Variants in GOLGA5 observed in about 807,000 individuals in gnomAD.
The protein encoded by GOLGA5 is golgin A5.
GOLGA5 carries 50 observed loss-of-function variants against 93.5 expected under a neutral mutation model. That is an observed-to-expected ratio of 0.53 (90% CI 0.43 to 0.68). The LOEUF (loss-of-function observed/expected upper bound fraction) is 0.68. Among genes scored for constraint, GOLGA5 ranks in the 30% least tolerant of loss-of-function variants. GOLGA5 has a pLI of 0.00. For missense variants in GOLGA5, 760 were observed against 856.4 expected (o/e 0.89, Z 1.40); for synonymous variants, 312 against 304.5 (o/e 1.02, Z -0.26).
chr14:92,805,979 T>TA (rs11420333), intron 2 of GOLGA5, among the ~76,000 whole-genome samples: 62,350 of 136,816 alleles, frequency 0.46, 15,172 homozygotes, highest in African/African-American at 0.64. Context: ...CCAGTTTGAT[T>TA]AAAAAAAAAA....
intron 7 of GOLGA5, among the ~76,000 whole-genome samples, chr14:92,816,896 T>C (rs114666770): frequency 0.063 from 9,632 of 151,958 alleles, 359 homozygotes; most frequent in Middle Eastern, 0.12. Context: ...TTCTTTCCTT[T>C]CTTTCCTTTC....
At chr14:92,837,544 A>G (rs577345836) in intron 12 of GOLGA5, 95 bp downstream of exon 12, 3 of 681,322 alleles carry the variant, frequency 4.4e-6, no homozygotes, top group Admixed American at 4.8e-5. Flanking sequence ...GATCTTATTG[A>G]TATTTTAGCA....
At chr14:92,799,615 A>G (rs546368410) in intron 2 of GOLGA5, among the ~76,000 whole-genome samples, 1 of 131,792 alleles carries the variant, frequency 7.6e-6, no homozygotes, top group Non-Finnish European at 1.6e-5. Flanking sequence ...TTATTTATTT[A>G]TTTTTTTGTG....
chr14:92,816,314 A>G lies in GOLGA5; in HGVS notation c.1384A>G (p.Thr462Ala), dbSNP rs758153492. 6.2e-7 allele frequency: 1 copy of G among 1,613,832 alleles called. No individual in the cohort carries two copies. The change falls in exon 7 of 13, where the codon ACT becomes GCT. Residue 462 changes from threonine (T) to alanine (A), a missense_variant. Thr to Ala is a moderately conservative substitution (Grantham distance 58). Transcript: ENST00000163416. ...GSGFEGLDSSTASSMELEELR... is the reference protein window; with the variant it reads ...GSGFEGLDSSAASSMELEELR... ...TGGTTTTGAAGGCCTAGATAGCAGCACTGCCAGTAGCATGGAGCTGGAAGA... is the reference window on the plus strand; with the variant it reads ...TGGTTTTGAAGGCCTAGATAGCAGCGCTGCCAGTAGCATGGAGCTGGAAGA...
chr14:92,813,423 C>G (rs1028488921), intron 6 of GOLGA5, among the ~76,000 whole-genome samples: 3 of 152,132 alleles, frequency 2.0e-5, no homozygotes, highest in Non-Finnish European at 4.4e-5. Flanking sequence ...TGTCAAAGAT[C>G]ACTGGACTGA....
chr14:92,818,076 A>G (rs1383563544), intron 7 of GOLGA5, among the ~76,000 whole-genome samples: 1 of 152,204 alleles, frequency 6.6e-6, no homozygotes, highest in African/African-American at 2.4e-5. Context: ...GAAATTGGGT[A>G]GATGCTAAAC....
intron 1 of GOLGA5, among the ~76,000 whole-genome samples, chr14:92,795,418 G>C (rs1452409613): frequency 3.3e-5 from 5 of 151,418 alleles, no homozygotes; most frequent in Non-Finnish European, 7.4e-5. Flanking sequence ...AGGGTTAAAA[G>C]TAGGTTTGGC....
chr14:92,810,669 G>C, intron 5 of GOLGA5: 1 of 185,410 alleles, frequency 5.4e-6, no homozygotes, highest in Non-Finnish European at 1.1e-5. Context: ...AATGGTTGGG[G>C]GATCGTATTT....
At chr14:92,799,162 A>G (rs942994901) in intron 2 of GOLGA5, among the ~76,000 whole-genome samples, 4 of 152,012 alleles carry the variant, frequency 2.6e-5, no homozygotes, top group African/African-American at 9.6e-5. Context: ...TAATAGAAAC[A>G]GTGTCTCACT....
chr14:92,823,499 G>A (rs143153632), intron 8 of GOLGA5, among the ~76,000 whole-genome samples: 1 of 150,176 alleles, frequency 6.7e-6, no homozygotes, highest in South Asian at 2.1e-4. Context: ...CTGCAGCCTC[G>A]ACCTCCTCAG....
intron 8 of GOLGA5, among the ~76,000 whole-genome samples, chr14:92,822,136 A>G (rs1215755211): frequency 2.0e-5 from 3 of 152,234 alleles, no homozygotes; most frequent in African/African-American, 7.2e-5. Context: ...ACTTGCCTAG[A>G]GCTTAAAAGA....
chr14:92,829,905 C>T (rs1885493585), intron 9 of GOLGA5, among the ~76,000 whole-genome samples: 1 of 152,164 alleles, frequency 6.6e-6, no homozygotes, highest in Non-Finnish European at 1.5e-5. Flanking sequence ...CACATCCACC[C>T]CAGCCCTCAG....
intron 8 of GOLGA5, among the ~76,000 whole-genome samples, chr14:92,820,891 TC>T (rs1885305483): frequency 6.6e-6 from 1 of 152,328 alleles, no homozygotes; most frequent in East Asian, 1.9e-4. Flanking sequence ...AAGCAATTGT[TC>T]AGGGTACAGG....
intron 1 of GOLGA5, among the ~76,000 whole-genome samples, chr14:92,795,403 A>AGGCAAGG (rs1173837263): frequency 1.2e-4 from 19 of 152,156 alleles, no homozygotes; most frequent in South Asian, 6.2e-4. Context: ...TGGTATAGGG[A>AGGCAAGG]GGCAAGGGTT....
At chr14:92,803,030 A>G (rs1347097215) in intron 2 of GOLGA5, among the ~76,000 whole-genome samples, 1 of 151,876 alleles carries the variant, frequency 6.6e-6, no homozygotes, top group African/African-American at 2.4e-5. Flanking sequence ...TTTAATTTTT[A>G]TTTATTATTA....
chr14:92,811,422 A>T, intron 5 of GOLGA5, 129 bp from the exon 6 acceptor site: 1 of 662,568 alleles, frequency 1.5e-6, no homozygotes, highest in Non-Finnish European at 2.6e-6. Flanking sequence ...CAAATTAAGA[A>T]TTTTTTCCCA....
intron 3 of GOLGA5, among the ~76,000 whole-genome samples, chr14:92,807,542 A>G (rs1414397954): frequency 3.3e-5 from 5 of 152,166 alleles, no homozygotes. Flanking sequence ...GGAACAAACT[A>G]GTAGTAGTCT....
intron 2 of GOLGA5, among the ~76,000 whole-genome samples, chr14:92,800,697 TTTG>T (rs754880453): frequency 2.4e-4 from 36 of 152,264 alleles, no homozygotes; most frequent in Admixed American, 3.9e-4. Flanking sequence ...GGCATCTGAT[TTTG>T]TTGTTGTTGT....
At chr14:92,839,267 A>G in intron 12 of GOLGA5, 99 bp from the exon 13 acceptor site, 6 of 729,148 alleles carry the variant, frequency 8.2e-6, no homozygotes, top group Non-Finnish European at 1.3e-5. Context: ...TAGGGGATAC[A>G]GAGGCAGGTA....
Sources: gnomAD v4.1 joint callset for allele counts (sites outside exome capture counted in the v4.1 genomes callset) on GRCh38, gnomAD v4.1.1 for gene constraint, MANE v1.5 for transcripts, NCBI Gene and HGNC (gene_info 2026-07-23, HGNC 2026-07-21) for gene names.